The following ROBO1 variants were observed in gnomAD, a reference collection of about 807,000 sequenced individuals.
ROBO1 encodes roundabout guidance receptor 1.
A neutral mutation model predicts 195.9 loss-of-function variants in ROBO1; 149 were observed. That is an observed-to-expected ratio of 0.76 (90% CI 0.67 to 0.87). ROBO1 has a LOEUF of 0.87. ROBO1 is among the 40% of genes least tolerant of loss of function. The pLI, the probability that ROBO1 is intolerant of heterozygous loss-of-function variation, is 0.00. For missense variants in ROBO1, 1,933 were observed against 2,068.3 expected, an observed-to-expected ratio of 0.93 and a Z score of 1.27; for synonymous variants, 816 against 733.2, an observed-to-expected ratio of 1.11 and a Z score of -1.82.
chr3:79,722,937 C>T (rs1326805981), intron 1 of ROBO1, among the ~76,000 whole-genome samples: 1 of 152,124 alleles, frequency 6.6e-6, no homozygotes, highest in Non-Finnish European at 1.5e-5. Context: ...ATAATCCTCA[C>T]AGGTACTGCT....
At chr3:78,600,349 A>G (rs1194888849) in intron 29 of ROBO1, 40 bp from the exon 30 acceptor site, 2 of 1,275,734 alleles carry the variant, frequency 1.6e-6, no homozygotes, top group South Asian at 2.5e-5. Context: ...GAGTACCATC[A>G]TACACTTTCA....
At chr3:78,942,174 G>T (rs1308350821) in intron 3 of ROBO1, among the ~76,000 whole-genome samples, 1 of 151,860 alleles carries the variant, frequency 6.6e-6, no homozygotes, top group Non-Finnish European at 1.5e-5. Flanking sequence ...TATGATGCAC[G>T]CCTGTAATCC....
chr3:79,670,819 A>C (rs1038295796), intron 1 of ROBO1, among the ~76,000 whole-genome samples: 5 of 151,866 alleles, frequency 3.3e-5, no homozygotes, highest in African/African-American at 1.2e-4. Flanking sequence ...TTAGAAAGTC[A>C]TTTAGGACCC....
intron 1 of ROBO1, among the ~76,000 whole-genome samples, chr3:79,763,488 T>C (rs1257587958): frequency 6.6e-6 from 1 of 152,074 alleles, no homozygotes; most frequent in African/African-American, 2.4e-5. Context: ...AGAAGGAACA[T>C]GAACCACCCT....
chr3:78,613,079 A>G (rs1427788092), intron 28 of ROBO1, among the ~76,000 whole-genome samples: 1 of 152,224 alleles, frequency 6.6e-6, no homozygotes, highest in Non-Finnish European at 1.5e-5. Flanking sequence ...ATTTTCAAGC[A>G]TAGTGTAATT....
chr3:79,702,851 A>T (rs1947657712), intron 1 of ROBO1, among the ~76,000 whole-genome samples: 1 of 151,962 alleles, frequency 6.6e-6, no homozygotes, highest in South Asian at 2.1e-4. Context: ...TGTAATTTGG[A>T]ATCCTTGTGG....
intron 2 of ROBO1, among the ~76,000 whole-genome samples, chr3:79,235,006 C>T (rs1451259456): frequency 2.0e-5 from 3 of 152,036 alleles, no homozygotes. Flanking sequence ...AAAATACAAG[C>T]AATATCAAAT....
intron 4 of ROBO1, among the ~76,000 whole-genome samples, chr3:78,754,902 C>T (rs750053966): frequency 5.3e-5 from 8 of 151,964 alleles, no homozygotes; most frequent in Non-Finnish European, 1.2e-4. Context: ...GCATTGCAGG[C>T]ACAGGAAATA....
intron 2 of ROBO1, among the ~76,000 whole-genome samples, chr3:79,383,701 T>A (rs1358200733): frequency 1.3e-5 from 2 of 152,074 alleles, no homozygotes; most frequent in Non-Finnish European, 2.9e-5. Context: ...TCCATATCCC[T>A]TGCAAAATTC....
chr3:79,464,782 GC>G, intron 2 of ROBO1, among the ~76,000 whole-genome samples: 1 of 151,994 alleles, frequency 6.6e-6, no homozygotes, highest in African/African-American at 2.4e-5. Context: ...ATGTGCTATG[GC>G]TTTTGAAGAA....
chr3:79,434,713 G>T (rs1156486027), intron 2 of ROBO1, among the ~76,000 whole-genome samples: 3 of 152,102 alleles, frequency 2.0e-5, no homozygotes, highest in Admixed American at 1.3e-4. Flanking sequence ...CCATTACTGG[G>T]TATATACCCA....
At chr3:79,057,933 C>G (rs754677980) in intron 3 of ROBO1, among the ~76,000 whole-genome samples, 1 of 152,016 alleles carries the variant, frequency 6.6e-6, no homozygotes. Flanking sequence ...ACAGATACCC[C>G]CCTCTGTGCC....
At chr3:79,272,026 C>A (rs2030611441) in intron 2 of ROBO1, among the ~76,000 whole-genome samples, 1 of 151,886 alleles carries the variant, frequency 6.6e-6, no homozygotes. Context: ...CCTTTCTAAC[C>A]ACTATCAAGA....
At chr3:79,423,680 G>C (rs566307593) in intron 2 of ROBO1, among the ~76,000 whole-genome samples, 22 of 152,128 alleles carry the variant, frequency 1.4e-4, no homozygotes, top group African/African-American at 4.8e-4. Context: ...CAGCATACCA[G>C]TACTATTTTT....
chr3:79,568,703 T>C (rs1368913549), intron 2 of ROBO1, among the ~76,000 whole-genome samples: 2 of 151,974 alleles, frequency 1.3e-5, no homozygotes, highest in Non-Finnish European at 2.9e-5. Context: ...AGGGGAATCA[T>C]TTTCTACCCA....
Position 78,600,132 on chromosome 3 carries a change from T to C in ROBO1, c.4922A>G (p.Asp1641Gly). ...QVLGGYERGE[D>G]NNEELEETES Reference sequence around the variant, plus strand: ...AGATACCTCTAATTCTTCATTATTATCTTCTCCTCTTTCATATCCTCCAAG... The same window carrying C: ...AGATACCTCTAATTCTTCATTATTACCTTCTCCTCTTTCATATCCTCCAAG... The change falls in exon 30 of 31, where the codon GAT (aspartate) becomes GGT (glycine). Residue 1641 changes from aspartate to glycine, a missense_variant. Asp to Gly is a moderately conservative substitution (Grantham distance 94). Coordinates refer to ENST00000464233, the MANE Select transcript of ROBO1 (RefSeq NM_002941.4). 1 of 1,612,640 alleles carries C rather than the reference T, an allele frequency of 6.2e-7. No individual in the cohort carries two copies. The highest frequency in any genetic ancestry group is 8.5e-7 in the Non-Finnish European group (1 of 1,179,022).
chr3:78,916,785 C>A (rs193151698), intron 4 of ROBO1, among the ~76,000 whole-genome samples: 2 of 152,058 alleles, frequency 1.3e-5, no homozygotes, highest in East Asian at 3.9e-4. Context: ...GCTTAGTTCA[C>A]GTGGGTAAGG....
At chr3:78,697,973 T>G (rs919064568) in intron 8 of ROBO1, among the ~76,000 whole-genome samples, 1 of 152,118 alleles carries the variant, frequency 6.6e-6, no homozygotes, top group Non-Finnish European at 1.5e-5. Flanking sequence ...GGAATTCTTC[T>G]GCTAATTCAT....
At chr3:79,101,821 C>T (rs1245667025) in intron 3 of ROBO1, among the ~76,000 whole-genome samples, 1 of 151,868 alleles carries the variant, frequency 6.6e-6, no homozygotes, top group Non-Finnish European at 1.5e-5. Context: ...TGAATCTAAA[C>T]ATTTTAGAGG....
Sources: gnomAD v4.1 joint callset for allele counts (sites outside exome capture counted in the v4.1 genomes callset) on GRCh38, gnomAD v4.1.1 for gene constraint, MANE v1.5 for transcripts, NCBI Gene and HGNC (gene_info 2026-07-23, HGNC 2026-07-21) for gene names.